XPA: variants seen among roughly 807,000 people sequenced by gnomAD.
XPA encodes XPA, DNA damage recognition and repair factor, also known as DNA repair protein complementing XP-A cells.
XPA carries 27 observed loss-of-function variants against 35.7 expected under a neutral mutation model. The observed-to-expected ratio is 0.76, with a 90% CI of 0.56 to 1.04. The LOEUF (loss-of-function observed/expected upper bound fraction) is 1.04, where lower values mean the gene tolerates loss of function less well. Among genes scored for constraint, XPA ranks in the 50% least tolerant of loss-of-function variants. XPA has a pLI of 0.00. For missense variants in XPA, 354 were observed against 342.7 expected (o/e 1.03, Z -0.26); for synonymous variants, 133 against 118.4 (o/e 1.12, Z -0.80).
rs1446951777 is a variant in XPA, at chr9:97,679,280, A to C, written c.674-3693T>G. On this transcript the variant is annotated intron_variant, in intron 5 of 5. Transcript: ENST00000375128. ...ATAAATACTGTGTATGTATAGAAAGAGCATGCAAATGATGATGCAAATAGC... is the reference window on the plus strand; with the variant it reads ...ATAAATACTGTGTATGTATAGAAAGCGCATGCAAATGATGATGCAAATAGC... 2.0e-5 allele frequency among the ~76,000 whole-genome samples: 3 copies of C among 152,230 alleles called. No individual in the cohort carries two copies. In the East Asian group the frequency reaches 5.8e-4, roughly 29 times the overall value.
chr9:97,686,111 C>T (rs1828708835), intron 4 of XPA, among the ~76,000 whole-genome samples: 1 of 152,168 alleles, frequency 6.6e-6, no homozygotes, highest in African/African-American at 2.4e-5. Flanking sequence ...AAATTCAGTA[C>T]ACGTTTTGTT....
At chr9:97,683,336 A>AAGGGCCAAATTCATC (rs1310195056) in intron 5 of XPA, among the ~76,000 whole-genome samples, 2 of 152,150 alleles carry the variant, frequency 1.3e-5, no homozygotes, top group African/African-American at 2.4e-5. Flanking sequence ...GAAAAGATTA[A>AAGGGCCAAATTCATC]AGGGCCAAAT....
chr9:97,663,283 C>T, the XPA span, among the ~76,000 whole-genome samples: 20 of 152,074 alleles, frequency 1.3e-4, no homozygotes, highest in African/African-American at 4.6e-4. Flanking sequence ...TTTAAATGTT[C>T]AGGAAAAGGT....
chr9:97,664,506 T>C, the XPA span: 41 of 1,093,888 alleles, frequency 3.7e-5, no homozygotes, highest in African/African-American at 2.8e-4. Context: ...TGGTCTCTTA[T>C]ACATAAGCTT....
chr9:97,655,832 A>G, the XPA span: 9 of 1,444,210 alleles, frequency 6.2e-6, no homozygotes, highest in South Asian at 1.2e-5. Flanking sequence ...CTGTAACATA[A>G]AAGTGTCTGA....
chr9:97,668,406 T>G, the XPA span, among the ~76,000 whole-genome samples: 6 of 152,248 alleles, frequency 3.9e-5, no homozygotes, highest in African/African-American at 1.4e-4. Context: ...CAGCCCACTT[T>G]GAATTATTAT....
At chr9:97,655,044 A>G in the XPA span, 1 of 1,064,058 alleles carries the variant, frequency 9.4e-7, no homozygotes, top group East Asian at 2.8e-5. Context: ...TTCCATGTTT[A>G]GTTTTTTTCT....
At chr9:97,655,882 A>C in the XPA span, 3 of 1,327,506 alleles carry the variant, frequency 2.3e-6, no homozygotes, top group Non-Finnish European at 3.1e-6. Flanking sequence ...GTTAAGTACA[A>C]ATAGTTACAA....
Position 97,678,229 on chromosome 9 carries a change from C to CA in XPA, c.674-2643dup, listed in dbSNP as rs1296136326. On this transcript the variant is annotated intron_variant, in intron 5 of 5. Coordinates refer to ENST00000375128, the MANE Select transcript of XPA (RefSeq NM_000380.4). ...CAGCTTGGCCAATATGGTGAAACCC[C>CA]ATCTCTACTGAAAACACAAAAATTA... Among the ~76,000 whole-genome samples, 3 of 152,006 alleles carry CA rather than the reference C, an allele frequency of 2.0e-5. No homozygotes were observed. The East Asian group carries it at 5.8e-4, about 29-fold the overall frequency.
intron 5 of XPA, among the ~76,000 whole-genome samples, chr9:97,676,599 A>G (rs1009852821): frequency 6.6e-6 from 1 of 152,100 alleles, no homozygotes; most frequent in Non-Finnish European, 1.5e-5. Flanking sequence ...CTTGAACCTT[A>G]TTTTCAGCTT....
intron 1 of XPA, among the ~76,000 whole-genome samples, chr9:97,695,724 A>G (rs1361782817): frequency 6.6e-6 from 1 of 152,232 alleles, no homozygotes; most frequent in African/African-American, 2.4e-5. Flanking sequence ...TGGCACACAG[A>G]GAAAAAGAAA....
chr9:97,670,664 C>T (rs1402795629), downstream of XPA, among the ~76,000 whole-genome samples: 1 of 152,194 alleles, frequency 6.6e-6, no homozygotes, highest in Non-Finnish European at 1.5e-5. Context: ...TATAGAGGAA[C>T]ACATAGACAA....
chr9:97,661,851 T>G, the XPA span, among the ~76,000 whole-genome samples: 1 of 151,854 alleles, frequency 6.6e-6, no homozygotes, highest in African/African-American at 2.4e-5. Context: ...AACTAAGACT[T>G]AAAATTACAA....
At chr9:97,674,675 C>T (rs1459028660), downstream of XPA, among the ~76,000 whole-genome samples, 1 of 152,188 alleles carries the variant, frequency 6.6e-6, no homozygotes, top group African/African-American at 2.4e-5. Flanking sequence ...TGGAAGCAAG[C>T]CTGGGACTAA....
the XPA span, among the ~76,000 whole-genome samples, chr9:97,658,934 AAATT>A: frequency 2.0e-5 from 3 of 152,232 alleles, no homozygotes; most frequent in African/African-American, 7.2e-5. Context: ...GGTTGTGATA[AAATT>A]AATTACTACT....
chr9:97,676,710 A>G (rs555373470), intron 5 of XPA, among the ~76,000 whole-genome samples: 81 of 152,296 alleles, frequency 5.3e-4, no homozygotes, highest in African/African-American at 1.5e-3. Flanking sequence ...AATTACTCCA[A>G]TTTTACAGAT....
chr9:97,667,413 A>C, the XPA span, among the ~76,000 whole-genome samples: 1 of 152,174 alleles, frequency 6.6e-6, no homozygotes, highest in African/African-American at 2.4e-5. Context: ...ACCATAGTAG[A>C]AGGTGAAAAA....
chr9:97,674,587 A>T (rs116149867), downstream of XPA, among the ~76,000 whole-genome samples: 2,025 of 152,196 alleles, frequency 0.013, 47 homozygotes, highest in African/African-American at 0.047. Context: ...GCTACAGGAA[A>T]ATTTCACTAA....
At chr9:97,663,832 C>G in the XPA span, among the ~76,000 whole-genome samples, 1 of 151,810 alleles carries the variant, frequency 6.6e-6, no homozygotes, top group East Asian at 1.9e-4. Context: ...TTTGTTTAGT[C>G]AACCTGTTTC....
Sources: gnomAD v4.1 joint callset for allele counts (sites outside exome capture counted in the v4.1 genomes callset) on GRCh38, gnomAD v4.1.1 for gene constraint, MANE v1.5 for transcripts, NCBI Gene and HGNC (gene_info 2026-07-23, HGNC 2026-07-21) for gene names.